Variants in DHX15 observed in about 807,000 individuals in gnomAD.
DHX15 encodes ATP-dependent RNA helicase DHX15.
A neutral mutation model predicts 94.4 loss-of-function variants in DHX15; 11 were observed. The observed-to-expected ratio is 0.12, with a 90% CI of 0.07 to 0.19. DHX15 has a LOEUF of 0.19. Ranked by LOEUF, DHX15 falls within the 10% of genes least tolerant of loss-of-function variation. The pLI is 1.00. For synonymous variants in DHX15, 338 were observed against 329.9 expected, an observed-to-expected ratio of 1.02 and a Z score of -0.27; for missense variants, 304 against 988.5, an observed-to-expected ratio of 0.31 and a Z score of 9.29.
intron 1 of DHX15, among the ~76,000 whole-genome samples, chr4:24,577,532 CAT>C (rs1441105645): frequency 3.3e-5 from 5 of 152,100 alleles, no homozygotes; most frequent in Non-Finnish European, 5.9e-5. Flanking sequence ...TAAAATGAAA[CAT>C]AGCCAAATTA....
chr4:24,534,768 T>C (rs560277499), intron 11 of DHX15, among the ~76,000 whole-genome samples: 2 of 152,332 alleles, frequency 1.3e-5, no homozygotes, highest in African/African-American at 4.8e-5. Context: ...TGTAATCAAC[T>C]ATTGTCTCTA....
At position 24,537,020 on chromosome 4, in the gene DHX15, C is replaced by G; in HGVS notation, c.1909+31G>C. The G allele has an allele frequency of 6.2e-7, 1 of 1,603,976 alleles. No individual in the cohort carries two copies. The highest frequency in any genetic ancestry group is 8.5e-7 in the Non-Finnish European group (1 of 1,174,420). ...TTATACACTGCAAGTGACATTTAGA[C>G]AAGAGTGTCTCCAATCAAATTTACA... is the stretch of plus-strand genomic sequence containing the variant. On this transcript the variant is annotated intron_variant, in intron 11 of 13. Coordinates refer to ENST00000336812, the MANE Select transcript of DHX15 (RefSeq NM_001358.3). The surrounding 1 kb of genome is among the most constrained non-coding windows in gnomAD (Gnocchi z 4.7).
At position 24,527,766 on chromosome 4, in the gene DHX15, T is replaced by C; in HGVS notation, c.*158A>G. On this transcript the variant is annotated 3_prime_UTR_variant, in exon 14 of 14. Transcript: ENST00000336812. ...ACAAAAGGGAGGCATAAATGTTTAA[T>C]TTATGAAATCAGAATGGAATATTTA... The C allele has an allele frequency of 3.6e-6, 2 of 549,548 alleles. No homozygotes were observed. Among genetic ancestry groups the C allele is most frequent in the South Asian group, 2.9e-5 (1 of 33,998 alleles). The allele number at this position is 549,548 out of a possible 1,614,324, so 34.0% of individuals were successfully genotyped here.
intron 3 of DHX15, among the ~76,000 whole-genome samples, chr4:24,560,704 A>G (rs1190368510): frequency 6.6e-6 from 1 of 152,220 alleles, no homozygotes; most frequent in African/African-American, 2.4e-5. Flanking sequence ...GGTCAAATTT[A>G]AATTCTCTGA....
At chr4:24,532,163 C>A (rs1259659635) in intron 12 of DHX15, among the ~76,000 whole-genome samples, 1 of 152,226 alleles carries the variant, frequency 6.6e-6, no homozygotes, top group Admixed American at 6.5e-5. Context: ...CTTAAAATAA[C>A]TGTTCACAGT....
chr4:24,572,338 G>A (rs972763424), intron 2 of DHX15, among the ~76,000 whole-genome samples: 4 of 152,126 alleles, frequency 2.6e-5, no homozygotes, highest in Admixed American at 6.5e-5. Flanking sequence ...GTTTCACCAC[G>A]TTGGGCAAGC....
At chr4:24,534,825 T>C (rs1173018601) in intron 11 of DHX15, among the ~76,000 whole-genome samples, 2 of 152,174 alleles carry the variant, frequency 1.3e-5, no homozygotes. Context: ...TTTTCAAATA[T>C]ACTCAATGTT....
At chr4:24,536,195 TGATAA>T (rs1216123545) in intron 11 of DHX15, among the ~76,000 whole-genome samples, 1 of 152,186 alleles carries the variant, frequency 6.6e-6, no homozygotes, top group Non-Finnish European at 1.5e-5. Flanking sequence ...AAATATTCTA[TGATAA>T]GATGATTTAA....
rs147382393 is a variant in DHX15, at chr4:24,574,008, C to G, written c.507+2235G>C. 8.8e-3 allele frequency among the ~76,000 whole-genome samples: 1,291 copies of G among 146,930 alleles called. 23 individuals are homozygous for G. Among genetic ancestry groups the G allele is most frequent in the African/African-American group, 0.03 (1,194 of 39,608 alleles). ...GTCAGGATTTAGAGACCAGCCTGGC[C>G]AACAGGGTGAAACCCTGTCTCTATT... On this transcript the variant is annotated intron_variant, in intron 2 of 13. Coordinates refer to ENST00000336812, the MANE Select transcript of DHX15 (RefSeq NM_001358.3).
At position 24,576,440 on chromosome 4, in the gene DHX15, C is replaced by T. The variant is rs770821433; in HGVS notation, c.310G>A (p.Gly104Arg). The change falls in exon 2 of 14, where the codon GGA becomes AGA. Residue 104 changes from glycine to arginine, a missense_variant. Around this residue, in one of 9 missense-constraint regions of DHX15, gnomAD observed 143 missense variants for 200.5 expected, o/e 0.71. Coordinates refer to ENST00000336812, the MANE Select transcript of DHX15 (RefSeq NM_001358.3). ...GGAAGTGACGTGTGACCTGCATGTC[C>T]GGCATGCGTTGAATGAGCAGAATGT... Reference protein sequence around the residue: ...STHSAHSTHAGHAGHTSLPQC... With the variant: ...STHSAHSTHARHAGHTSLPQC... The T allele has an allele frequency of 2.5e-6, 4 of 1,614,122 alleles. No individual in the cohort carries two copies. Among genetic ancestry groups the T allele is most frequent in the Non-Finnish European group, 3.4e-6 (4 of 1,180,026 alleles).
At chr4:24,579,759 G>A (rs1436237028) in intron 1 of DHX15, among the ~76,000 whole-genome samples, 2 of 152,182 alleles carry the variant, frequency 1.3e-5, no homozygotes, top group Admixed American at 1.3e-4. Context: ...AATATCGGTT[G>A]TTGTTGTTAT....
chr4:24,576,616 T>C lies in DHX15; in HGVS notation c.134A>G (p.Asp45Gly). The C allele has an allele frequency of 6.2e-7, 1 of 1,614,036 alleles. No individual in the cohort carries two copies. Among genetic ancestry groups the C allele is most frequent in the South Asian group, 1.1e-5 (1 of 91,074 alleles). ...DRSKDRDRER[D>G]RGDREREREK... ...CCTCTCTCGCTCTCTATCTCCTCTA[T>C]CACGTTCTCGGTCTCGATCTTTAGA... Residue 45 changes from aspartate to glycine, a missense_variant, in exon 2 of 14, where the codon GAT becomes GGT. Around this residue, in one of 9 missense-constraint regions of DHX15, gnomAD observed 143 missense variants for 200.5 expected, o/e 0.71. Coordinates refer to ENST00000336812, the MANE Select transcript of DHX15 (RefSeq NM_001358.3).
At chr4:24,539,989 T>C (rs1721276386) in intron 10 of DHX15, 119 bp downstream of exon 10, 5 of 665,914 alleles carry the variant, frequency 7.5e-6, no homozygotes, top group Admixed American at 3.7e-5. Context: ...ACAAAATTAA[T>C]TCCTTAAAAC....
chr4:24,550,094 C>CGAAAAAAAAA (rs1721555971), intron 5 of DHX15, among the ~76,000 whole-genome samples: 1 of 49,742 alleles, frequency 2.0e-5, no homozygotes, highest in East Asian at 9.8e-4. Flanking sequence ...AACTCCGTCT[C>CGAAAAAAAAA]AAAAAAAAAA....
chr4:24,527,796 A>G lies in DHX15; in HGVS notation c.*128T>C, dbSNP rs1720992517. The G allele has an allele frequency of 3.3e-6, 2 of 610,888 alleles. No individual in the cohort carries two copies. Among genetic ancestry groups the G allele is most frequent in the East Asian group, 2.7e-5 (1 of 37,350 alleles). The allele number at this position is 610,888 out of a possible 1,614,324, so 37.8% of individuals were successfully genotyped here. A position where few individuals can be genotyped will look rare whatever the true frequency, so the allele number is the denominator to read the frequency against. On this transcript the variant is annotated 3_prime_UTR_variant, in exon 14 of 14. Coordinates refer to ENST00000336812, the MANE Select transcript of DHX15 (RefSeq NM_001358.3). ...GAAATCAGAATGGAATATTTACTGT[A>G]AAGAAAAATTAAAAAGCTTTCAAAT...
chr4:24,529,711 C>T lies in DHX15; in HGVS notation c.2160G>A (p.Gln720=), dbSNP rs774335683. ...YLTVKDNQVV[Q]LHPSTVLDHK... is the part of the protein sequence containing the mutation. ...GGTCAAGAACAGTAGAGGGATGCAA[C>T]TGAACCACCTGGTTATCTTTCACAG... Residue 720 remains glutamine (Q), a synonymous_variant, in exon 13 of 14, where the codon CAG becomes CAA. Transcript: ENST00000336812. 1.1e-5 allele frequency: 18 copies of T among 1,614,084 alleles called. No homozygotes were observed. The East Asian group carries it at 4.0e-4, about 36-fold the overall frequency.
chr4:24,544,987 T>C (rs1014723907), intron 6 of DHX15, among the ~76,000 whole-genome samples: 1 of 152,078 alleles, frequency 6.6e-6, no homozygotes, highest in Non-Finnish European at 1.5e-5. Context: ...GGCACATGCT[T>C]GTAGTCCCAG....
intron 1 of DHX15, chr4:24,584,091 C>G (rs1429283091): frequency 1.8e-6 from 1 of 553,316 alleles, no homozygotes; most frequent in Non-Finnish European, 3.2e-6. Context: ...TACTGCAGGC[C>G]TCTCCACCCT....
At chr4:24,553,800 A>C (rs1721662801) in intron 5 of DHX15, among the ~76,000 whole-genome samples, 1 of 152,130 alleles carries the variant, frequency 6.6e-6, no homozygotes, top group African/African-American at 2.4e-5. Context: ...CCAAAAAGAA[A>C]AAGAAAAACC....
Sources: allele counts gnomAD v4.1 joint callset (sites outside exome capture counted in the v4.1 genomes callset), GRCh38; gene constraint gnomAD v4.1.1; regional missense constraint gnomAD v4.1.1; non-coding constraint Gnocchi (gnomAD v3.1); transcripts MANE v1.5; gene names NCBI Gene and HGNC (gene_info 2026-07-23, HGNC 2026-07-21).